Variants in TMEM65 observed in about 807,000 individuals in gnomAD.
The protein encoded by TMEM65 is transmembrane protein 65.
In TMEM65, 22 loss-of-function variants were observed where a neutral mutation model predicts 25.4. That is an observed-to-expected ratio of 0.86 (90% CI 0.62 to 1.23). TMEM65 has a LOEUF of 1.23. Among genes scored for constraint, TMEM65 ranks in the 50% most tolerant of loss-of-function variants. TMEM65 has a pLI of 0.00. For missense variants in TMEM65, 262 were observed against 308.2 expected (o/e 0.85, Z 1.12); for synonymous variants, 132 against 126.2 (o/e 1.05, Z -0.31).
chr8:124,372,234 G>C lies in TMEM65; in HGVS notation c.-77C>G, dbSNP rs1402506151. ...GCGCGGCTGAGGCGAGAAGGAGCTG[G>C]GCTCAGCTCGACCCCGCCCCGAGGT... On this transcript the variant is annotated 5_prime_UTR_variant, in exon 1 of 7. Coordinates refer to ENST00000297632, the MANE Select transcript of TMEM65 (RefSeq NM_194291.3). 8.4e-7 allele frequency: 1 copy of C among 1,196,064 alleles called. No individual in the cohort carries two copies. Among genetic ancestry groups the C allele is most frequent in the Non-Finnish European group, 1.0e-6 (1 of 956,948 alleles). The allele number at this position is 1,196,064 out of a possible 1,614,324, so 74.1% of individuals were successfully genotyped here.
Position 124,371,949 on chromosome 8 carries a change from T to G in TMEM65, c.209A>C (p.Gln70Pro). 6.6e-7 allele frequency: 1 copy of G among 1,510,630 alleles called. No individual in the cohort carries two copies. Among genetic ancestry groups the G allele is most frequent in the Non-Finnish European group, 8.8e-7 (1 of 1,132,584 alleles). 93.6% of individuals were successfully genotyped at this position (1,510,630 alleles called of 1,614,324 possible). The change falls in exon 1 of 7, where the codon CAG (glutamine) becomes CCG (proline). Residue 70 changes from glutamine (Q) to proline (P), a missense_variant. Gln to Pro is a moderately conservative substitution (Grantham distance 76, BLOSUM62 -1). Transcript: ENST00000297632. Reference sequence around the variant, plus strand: ...GCTGTAGATGAAGTCGCGCGCGCCCTGCGCCGTGTTCAGCGCCTCCATGGG... The same window carrying G: ...GCTGTAGATGAAGTCGCGCGCGCCCGGCGCCGTGTTCAGCGCCTCCATGGG... ...KEPMEALNTA[Q>P]GARDFIYSLH...
intron 1 of TMEM65, among the ~76,000 whole-genome samples, chr8:124,356,752 G>C (rs1294565129): frequency 6.6e-6 from 1 of 152,094 alleles, no homozygotes; most frequent in Non-Finnish European, 1.5e-5. Flanking sequence ...CTGTCACACA[G>C]GCTGGAGTGT....
At position 124,371,717 on chromosome 8, in the gene TMEM65, G is replaced by T. The variant is rs868565197; in HGVS notation, c.304+137C>A. 3.4e-4 allele frequency: 297 copies of T among 862,124 alleles called. 4 individuals are homozygous for T. In the South Asian group the frequency reaches 6.0e-3, roughly 17 times the overall value. 53.4% of individuals were successfully genotyped at this position (862,124 alleles called of 1,614,324 possible). ...CCGCCCCCAGCCGTCCCAGGCGTGG[G>T]GCCAGACAGGCGAGGGGGGCGGAAG... On this transcript the variant is annotated intron_variant, in intron 1 of 6. Coordinates refer to ENST00000297632, the MANE Select transcript of TMEM65 (RefSeq NM_194291.3).
At position 124,362,778 on chromosome 8, in the gene TMEM65, C is replaced by G. The variant is rs150381923; in HGVS notation, c.304+9076G>C. Among the ~76,000 whole-genome samples, 648 of 150,846 alleles carry G rather than the reference C, an allele frequency of 4.3e-3. 5 individuals carry two copies. The highest frequency in any genetic ancestry group is 0.015 in the African/African-American group (610 of 41,062). Reference sequence around the variant, plus strand: ...TTTTAGTATTGGTAATATACTAATACAAAAGTAAAATTTGGTTTTCTCTTT... The same window carrying G: ...TTTTAGTATTGGTAATATACTAATAGAAAAGTAAAATTTGGTTTTCTCTTT... On this transcript the variant is annotated intron_variant, in intron 1 of 6. Coordinates refer to ENST00000297632, the MANE Select transcript of TMEM65 (RefSeq NM_194291.3).
intron 1 of TMEM65, among the ~76,000 whole-genome samples, chr8:124,333,924 G>A (rs1814469403): frequency 6.6e-6 from 1 of 152,140 alleles, no homozygotes; most frequent in African/African-American, 2.4e-5. Context: ...AAGTGAGAGA[G>A]GAATCCTGGA....
chr8:124,363,437 T>G (rs1814897267), intron 1 of TMEM65, among the ~76,000 whole-genome samples: 1 of 152,200 alleles, frequency 6.6e-6, no homozygotes, highest in South Asian at 2.1e-4. Context: ...AATTGTGTCT[T>G]TAACCATGAC....
intron 1 of TMEM65, among the ~76,000 whole-genome samples, chr8:124,351,601 T>C (rs979628580): frequency 3.3e-5 from 5 of 152,334 alleles, no homozygotes; most frequent in Middle Eastern, 3.4e-3. Context: ...CACACTTTTC[T>C]AAATCTGGAT....
intron 4 of TMEM65, 129 bp from the exon 5 acceptor site, chr8:124,322,276 CT>C: frequency 1.7e-6 from 1 of 603,504 alleles, no homozygotes; most frequent in East Asian, 3.2e-5. Flanking sequence ...TCCAAAGTAA[CT>C]CATTGGACAG....
At chr8:124,330,201 A>G (rs1814414326) in intron 2 of TMEM65, among the ~76,000 whole-genome samples, 1 of 151,968 alleles carries the variant, frequency 6.6e-6, no homozygotes, top group South Asian at 2.1e-4. Context: ...TCTTTATAAT[A>G]ACATCCCAAC....
chr8:124,339,105 C>G (rs1299236026), intron 1 of TMEM65, among the ~76,000 whole-genome samples: 2 of 142,940 alleles, frequency 1.4e-5, no homozygotes, highest in Non-Finnish European at 3.0e-5. Flanking sequence ...AGGTGAATCA[C>G]TTGAACCTCA....
At chr8:124,344,435 C>G (rs1002326251) in intron 1 of TMEM65, among the ~76,000 whole-genome samples, 1 of 152,218 alleles carries the variant, frequency 6.6e-6, no homozygotes. Flanking sequence ...GCTACTACAG[C>G]TGACTCTACT....
intron 2 of TMEM65, among the ~76,000 whole-genome samples, chr8:124,328,523 A>C (rs148217552): frequency 6.6e-6 from 1 of 152,322 alleles, no homozygotes; most frequent in East Asian, 1.9e-4. Flanking sequence ...AGATGCTCAA[A>C]AAATATTATT....
chr8:124,368,117 A>C (rs1388881135), intron 1 of TMEM65, among the ~76,000 whole-genome samples: 1 of 150,632 alleles, frequency 6.6e-6, no homozygotes, highest in Admixed American at 6.6e-5. Flanking sequence ...GTGGAAGCCA[A>C]CCTCAAAGAT....
intron 1 of TMEM65, among the ~76,000 whole-genome samples, chr8:124,365,970 C>T (rs1814933013): frequency 1.3e-5 from 2 of 152,180 alleles, no homozygotes; most frequent in African/African-American, 4.8e-5. Context: ...CCTGTAATCT[C>T]AGCACTTTGG....
intron 1 of TMEM65, among the ~76,000 whole-genome samples, chr8:124,370,709 T>C (rs1815001124): frequency 6.6e-6 from 1 of 152,246 alleles, no homozygotes; most frequent in South Asian, 2.1e-4. Flanking sequence ...CCTGCTTACA[T>C]GAGGTAGATA....
At chr8:124,334,038 A>G (rs1191253929) in intron 1 of TMEM65, among the ~76,000 whole-genome samples, 1 of 152,196 alleles carries the variant, frequency 6.6e-6, no homozygotes, top group Non-Finnish European at 1.5e-5. Flanking sequence ...AACTCCAAAA[A>G]TACCGACTAA....
intron 3 of TMEM65, among the ~76,000 whole-genome samples, chr8:124,325,718 G>A (rs997477963): frequency 6.6e-6 from 1 of 151,822 alleles, no homozygotes; most frequent in South Asian, 2.1e-4. Flanking sequence ...CACAGACCTG[G>A]GGAACACCAA....
chr8:124,335,233 G>A (rs1484348419), intron 1 of TMEM65, among the ~76,000 whole-genome samples: 2 of 152,092 alleles, frequency 1.3e-5, no homozygotes, highest in Non-Finnish European at 2.9e-5. Flanking sequence ...AAGAAAATGG[G>A]CGTCAGTCCA....
chr8:124,326,865 G>T (rs890980139), intron 3 of TMEM65, among the ~76,000 whole-genome samples: 9 of 151,870 alleles, frequency 5.9e-5, no homozygotes, highest in African/African-American at 2.2e-4. Flanking sequence ...AATGGAACAA[G>T]GCAAAAGGGA....
Sources: gnomAD v4.1 joint callset for allele counts (sites outside exome capture counted in the v4.1 genomes callset) on GRCh38, gnomAD v4.1.1 for gene constraint, MANE v1.5 for transcripts, NCBI Gene and HGNC (gene_info 2026-07-23, HGNC 2026-07-21) for gene names.